Variants in RPS6KC1 observed in about 807,000 individuals in gnomAD.
RPS6KC1 encodes ribosomal protein S6 kinase C1.
A neutral mutation model predicts 103.8 loss-of-function variants in RPS6KC1; 54 were observed. The observed-to-expected ratio is 0.52, with a 90% CI of 0.42 to 0.65. The LOEUF is 0.65. Ranked by LOEUF, RPS6KC1 falls within the 30% of genes least tolerant of loss-of-function variation. The probability of loss-of-function intolerance (pLI) is 0.00; values close to 1 mark genes in which losing one functional copy is unlikely to be tolerated. For synonymous variants in RPS6KC1, 439 were observed against 438.7 expected (o/e 1.00, Z -0.01); for missense variants, 1,151 against 1,253.8 (o/e 0.92, Z 1.24).
the RPS6KC1 span, among the ~76,000 whole-genome samples, chr1:213,489,133 C>T: frequency 2.6e-5 from 4 of 152,148 alleles, no homozygotes; most frequent in Non-Finnish European, 5.9e-5. Flanking sequence ...CAAGAAGTCC[C>T]CTGGTAGAAT....
chr1:213,574,827 C>T, the RPS6KC1 span, among the ~76,000 whole-genome samples: 6 of 152,250 alleles, frequency 3.9e-5, no homozygotes, highest in South Asian at 4.1e-4. Context: ...CTAAGGGAAA[C>T]GAGGACCCTG....
the RPS6KC1 span, among the ~76,000 whole-genome samples, chr1:213,662,446 T>TTG: frequency 6.7e-6 from 1 of 150,270 alleles, no homozygotes; most frequent in East Asian, 2.0e-4. Context: ...TTTTTTTTTT[T>TTG]TTGTATTTTT....
chr1:213,057,969 T>C (rs1206878970), intron 1 of RPS6KC1, among the ~76,000 whole-genome samples: 2 of 151,430 alleles, frequency 1.3e-5, no homozygotes, highest in African/African-American at 2.4e-5. Flanking sequence ...AGTTTCACCA[T>C]GTTGTCCAGG....
chr1:213,602,146 CTT>C, the RPS6KC1 span, among the ~76,000 whole-genome samples: 1 of 74,874 alleles, frequency 1.3e-5, no homozygotes, highest in Non-Finnish European at 2.6e-5. Flanking sequence ...TTCTTTCTTT[CTT>C]TCTTTCTTTC....
At chr1:213,074,968 T>G (rs1304707893) in intron 2 of RPS6KC1, among the ~76,000 whole-genome samples, 1 of 144,616 alleles carries the variant, frequency 6.9e-6, no homozygotes, top group African/African-American at 2.5e-5. Flanking sequence ...TTCTCCTGCC[T>G]CAGCCTCCCT....
the RPS6KC1 span, among the ~76,000 whole-genome samples, chr1:213,607,178 G>A: frequency 9.9e-5 from 15 of 152,240 alleles, no homozygotes; most frequent in African/African-American, 2.6e-4. Flanking sequence ...AAACTAACTC[G>A]GAAGAAACAA....
At chr1:213,171,138 AT>A (rs2091443501) in intron 7 of RPS6KC1, among the ~76,000 whole-genome samples, 1 of 152,152 alleles carries the variant, frequency 6.6e-6, no homozygotes, top group Admixed American at 6.5e-5. Flanking sequence ...TCTTTATATA[AT>A]AAATATAAAA....
chr1:213,151,172 G>A (rs2088774438), intron 6 of RPS6KC1, among the ~76,000 whole-genome samples: 3 of 134,686 alleles, frequency 2.2e-5, no homozygotes, highest in African/African-American at 5.6e-5. Flanking sequence ...GCGGGGGGCT[G>A]ACCCCCCCAC....
At chr1:213,619,067 C>T in the RPS6KC1 span, among the ~76,000 whole-genome samples, 2 of 152,140 alleles carry the variant, frequency 1.3e-5, no homozygotes, top group African/African-American at 4.8e-5. Context: ...ATGGCTTAAA[C>T]AATAAAGAGA....
the RPS6KC1 span, among the ~76,000 whole-genome samples, chr1:213,649,954 A>G: frequency 6.6e-6 from 1 of 152,158 alleles, no homozygotes; most frequent in African/African-American, 2.4e-5. Context: ...TGGACACTTT[A>G]TCGGTGCTAT....
At chr1:213,055,026 G>A (rs1309034849) in intron 1 of RPS6KC1, among the ~76,000 whole-genome samples, 1 of 152,080 alleles carries the variant, frequency 6.6e-6, no homozygotes, top group African/African-American at 2.4e-5. Context: ...GAGTATAAAA[G>A]GTATGTTTTT....
chr1:213,419,293 C>T, the RPS6KC1 span, among the ~76,000 whole-genome samples: 1 of 152,204 alleles, frequency 6.6e-6, no homozygotes, highest in South Asian at 2.1e-4. Flanking sequence ...TTTGTCTGCT[C>T]TCAAAGGGGC....
At chr1:213,359,291 A>T in the RPS6KC1 span, among the ~76,000 whole-genome samples, 1 of 152,222 alleles carries the variant, frequency 6.6e-6, no homozygotes, top group African/African-American at 2.4e-5. Flanking sequence ...TGTTGAATTG[A>T]TCCCTTTACC....
At chr1:213,631,954 C>G in the RPS6KC1 span, among the ~76,000 whole-genome samples, 1 of 152,140 alleles carries the variant, frequency 6.6e-6, no homozygotes, top group African/African-American at 2.4e-5. Context: ...GATCTCTTCT[C>G]CATCATTGTA....
chr1:213,786,761 T>G, the RPS6KC1 span, among the ~76,000 whole-genome samples: 1 of 152,210 alleles, frequency 6.6e-6, no homozygotes, highest in African/African-American at 2.4e-5. Context: ...TATTCTTCAT[T>G]ATTTCAGTGG....
the RPS6KC1 span, among the ~76,000 whole-genome samples, chr1:213,775,918 C>T: frequency 6.6e-6 from 1 of 152,200 alleles, no homozygotes; most frequent in Non-Finnish European, 1.5e-5. Flanking sequence ...ATGTTCACAG[C>T]ATCTTCACCA....
At chr1:213,352,692 G>T in the RPS6KC1 span, among the ~76,000 whole-genome samples, 2 of 152,196 alleles carry the variant, frequency 1.3e-5, no homozygotes, top group African/African-American at 4.8e-5. Flanking sequence ...CTGTCAATCA[G>T]AGTTTAACCC....
the RPS6KC1 span, among the ~76,000 whole-genome samples, chr1:213,296,292 T>C: frequency 6.6e-6 from 1 of 152,240 alleles, no homozygotes; most frequent in South Asian, 2.1e-4. Flanking sequence ...ACCCAGATTG[T>C]TGCTGAGAGC....
chr1:213,408,780 A>C, the RPS6KC1 span, among the ~76,000 whole-genome samples: 1 of 152,208 alleles, frequency 6.6e-6, no homozygotes. Context: ...TTGTATTATT[A>C]TTCTTGTTCA....
Sources: gnomAD v4.1 joint callset for allele counts (sites outside exome capture counted in the v4.1 genomes callset) on GRCh38, gnomAD v4.1.1 for gene constraint, MANE v1.5 for transcripts, NCBI Gene and HGNC (gene_info 2026-07-23, HGNC 2026-07-21) for gene names.